Variants in MRTFA observed in about 807,000 individuals in gnomAD.
MRTFA encodes myocardin-related transcription factor A.
A neutral mutation model predicts 83.5 loss-of-function variants in MRTFA; 20 were observed. That is an observed-to-expected ratio of 0.24 (90% CI 0.17 to 0.35). The LOEUF is 0.35. Among genes scored for constraint, MRTFA ranks in the 10% least tolerant of loss-of-function variants. MRTFA has a pLI of 1.00. For synonymous variants in MRTFA, 659 were observed against 541.2 expected (o/e 1.22, Z -3.02); for missense variants, 1,200 against 1,224.7 (o/e 0.98, Z 0.30).
At chr22:40,421,964 G>A (rs1442684606) in intron 9 of MRTFA, among the ~76,000 whole-genome samples, 1 of 152,244 alleles carries the variant, frequency 6.6e-6, no homozygotes, top group Non-Finnish European at 1.5e-5. Context: ...GTGAACATGT[G>A]GCAGGTGAGA....
At chr22:40,484,806 C>T (rs900459398) in intron 3 of MRTFA, among the ~76,000 whole-genome samples, 1 of 151,724 alleles carries the variant, frequency 6.6e-6, no homozygotes, top group South Asian at 2.1e-4. Flanking sequence ...GGTGCGGTGG[C>T]TCACACCTGT....
intron 3 of MRTFA, among the ~76,000 whole-genome samples, chr22:40,533,186 A>C (rs2055111256): frequency 6.6e-6 from 1 of 152,108 alleles, no homozygotes; most frequent in Non-Finnish European, 1.5e-5. Flanking sequence ...AACAGCTAAG[A>C]AAAAAAATTT....
Position 40,621,464 on chromosome 22 carries a change from AGAG to A in MRTFA, c.-84+15011_-84+15013del, listed in dbSNP as rs550818428. On this transcript the variant is annotated intron_variant, in intron 1 of 14. Transcript: ENST00000355630. ...GAATGGTGGTTCACAGGGGCTGGGG[AGAG>A]GAGAACAGGGAGTCATTGTTTAATG... Among the ~76,000 whole-genome samples, 747 of 152,248 alleles carry A rather than the reference AGAG, an allele frequency of 4.9e-3. 1 individual carries two copies. Among genetic ancestry groups the A allele is most frequent in the Middle Eastern group, 0.01 (3 of 294 alleles).
chr22:40,623,920 A>G (rs774297811), intron 1 of MRTFA, among the ~76,000 whole-genome samples: 2 of 152,046 alleles, frequency 1.3e-5, no homozygotes, highest in Non-Finnish European at 2.9e-5. Context: ...GGGCAACACA[A>G]AGAGACTCCA....
chr22:40,411,292 A>T lies in MRTFA; in HGVS notation c.*98T>A, dbSNP rs941033759. On this transcript the variant is annotated 3_prime_UTR_variant, in exon 15 of 15. Coordinates refer to ENST00000355630, the MANE Select transcript of MRTFA (RefSeq NM_020831.6). ...AAAAGCAGGGGCTGTGATTGTCAAG[A>T]CTCACAACCATGTGGAGAGGCCGAA... 1.2e-5 allele frequency: 15 copies of T among 1,300,114 alleles called. No individual in the cohort carries two copies. Among genetic ancestry groups the T allele is most frequent in the African/African-American group, 1.5e-5 (1 of 67,634 alleles). 80.5% of individuals were successfully genotyped at this position (1,300,114 alleles called of 1,614,324 possible). A position where few individuals can be genotyped will look rare whatever the true frequency, so the allele number is the denominator to read the frequency against.
At chr22:40,596,013 T>C (rs2056187703) in intron 1 of MRTFA, among the ~76,000 whole-genome samples, 2 of 151,788 alleles carry the variant, frequency 1.3e-5, no homozygotes, top group Non-Finnish European at 2.9e-5. Context: ...TTTCATAATC[T>C]GATCCCACCC....
intron 4 of MRTFA, among the ~76,000 whole-genome samples, chr22:40,458,472 T>A (rs546888731): frequency 6.6e-6 from 1 of 152,008 alleles, no homozygotes; most frequent in African/African-American, 2.4e-5. Context: ...CTGAATGACA[T>A]ATAGAAACAG....
At position 40,519,529 on chromosome 22, in the gene MRTFA, T is replaced by C. The variant is rs559406482; in HGVS notation, c.241+32577A>G. 1.1e-5 allele frequency: 15 copies of C among 1,350,740 alleles called. No homozygotes were observed. The African/African-American group carries it at 2.1e-4, about 19-fold the overall frequency. The allele number at this position is 1,350,740 out of a possible 1,614,324, so 83.7% of individuals were successfully genotyped here. The stretch of plus-strand genomic sequence containing the variant: ...GGAGTCATTTTAACTCCAACCTCCT[T>C]GTGTCCAAACTGGCTCAAAGCACTC... On this transcript the variant is annotated intron_variant, in intron 3 of 14. Transcript: ENST00000355630.
At chr22:40,457,461 A>AGAAG (rs1412282591) in intron 4 of MRTFA, among the ~76,000 whole-genome samples, 11 of 150,830 alleles carry the variant, frequency 7.3e-5, no homozygotes, top group Non-Finnish European at 1.6e-4. Context: ...AAAGAAAGAA[A>AGAAG]GAAAGAAAGA....
Position 40,412,108 on chromosome 22 carries a change from C to T in MRTFA, c.2579-201G>A, listed in dbSNP as rs868747676. ...ACATATTTGATAAAGAAGTGATATC[C>T]GGAATACACAGAGAACTTCTAAAAC... On this transcript the variant is annotated intron_variant, in intron 14 of 14. Transcript: ENST00000355630. 85 of 421,130 alleles carry T rather than the reference C, an allele frequency of 2.0e-4. 1 individual carries two copies. In the Middle Eastern group the frequency reaches 4.4e-3, roughly 22 times the overall value. 26.1% of individuals were successfully genotyped at this position (421,130 alleles called of 1,614,324 possible).
chr22:40,552,747 A>C (rs1203676790), intron 2 of MRTFA, among the ~76,000 whole-genome samples: 1 of 152,250 alleles, frequency 6.6e-6, no homozygotes, highest in Admixed American at 6.5e-5. Context: ...GCAGTTCTTT[A>C]TAGCAACGTG....
chr22:40,423,614 A>G lies in MRTFA; in HGVS notation c.849T>C (p.Pro283=). ...GGCTGGGAGGCAGCAGAGGTGGGGGAGGCAGAGGAGGCTGCTCTGCCAGGA... is the reference window on the plus strand; with the variant it reads ...GGCTGGGAGGCAGCAGAGGTGGGGGGGGCAGAGGAGGCTGCTCTGCCAGGA... Residue 283 remains proline, a synonymous_variant, in exon 9 of 15, where the codon CCT becomes CCC. Coordinates refer to ENST00000355630, the MANE Select transcript of MRTFA (RefSeq NM_020831.6). The G allele has an allele frequency of 1.9e-6, 3 of 1,596,484 alleles. No individual in the cohort carries two copies. The highest frequency in any genetic ancestry group is 8.5e-7 in the Non-Finnish European group (1 of 1,170,510).
At chr22:40,586,892 TGGTGCTGC>T (rs774263360) in intron 2 of MRTFA, 31 of 208,652 alleles carry the variant, frequency 1.5e-4, no homozygotes, top group Non-Finnish European at 3.2e-4. Context: ...CTAGTGCTGC[TGGTGCTGC>T]TGGTGCTGCT....
intron 4 of MRTFA, among the ~76,000 whole-genome samples, chr22:40,450,436 CTTT>C (rs895526452): frequency 6.1e-5 from 9 of 146,412 alleles, no homozygotes. Flanking sequence ...TTTCAATTTT[CTTT>C]TTTTTTTTAA....
chr22:40,459,858 TATATAC>T (rs1373292029), intron 4 of MRTFA, among the ~76,000 whole-genome samples: 1 of 134,024 alleles, frequency 7.5e-6, no homozygotes, highest in Non-Finnish European at 1.6e-5. Flanking sequence ...TATATATATA[TATATAC>T]ACACATGAAT....
chr22:40,420,383 A>C, intron 11 of MRTFA, 22 bp downstream of exon 11: 1 of 1,605,916 alleles, frequency 6.2e-7, no homozygotes, highest in East Asian at 2.2e-5. Context: ...GCAGTGGCTC[A>C]AGTTTTCCAG....
intron 4 of MRTFA, among the ~76,000 whole-genome samples, chr22:40,445,911 C>T (rs901579657): frequency 2.6e-5 from 4 of 152,226 alleles, no homozygotes; most frequent in African/African-American, 9.7e-5. Context: ...CAATCTAGAA[C>T]AGTACCCCTA....
chr22:40,485,723 G>A (rs1028697853), intron 3 of MRTFA, among the ~76,000 whole-genome samples: 2 of 152,152 alleles, frequency 1.3e-5, no homozygotes, highest in Non-Finnish European at 2.9e-5. Context: ...GAGTAGGGAG[G>A]AGAACTGCGG....
chr22:40,566,782 G>A (rs920334905), intron 2 of MRTFA, among the ~76,000 whole-genome samples: 3 of 152,166 alleles, frequency 2.0e-5, no homozygotes, highest in South Asian at 2.1e-4. Context: ...GCAGTGAGCC[G>A]ACATCACACC....
Sources: gnomAD v4.1 joint callset for allele counts (sites outside exome capture counted in the v4.1 genomes callset) on GRCh38, gnomAD v4.1.1 for gene constraint, MANE v1.5 for transcripts, NCBI Gene and HGNC (gene_info 2026-07-23, HGNC 2026-07-21) for gene names.